The following NHSL2 variants were observed in gnomAD, a reference collection of about 807,000 sequenced individuals.
NHSL2 encodes NHS-like protein 2.
NHSL2 carries 27 observed loss-of-function variants against 53.4 expected under a neutral mutation model. The ratio of observed to expected loss-of-function variants is 0.51; its 90% CI spans 0.37 to 0.70. The LOEUF (loss-of-function observed/expected upper bound fraction) is 0.70. Among genes scored for constraint, NHSL2 ranks in the 30% least tolerant of loss-of-function variants. NHSL2 has a pLI of 0.00. For synonymous variants in NHSL2, 408 were observed against 404.1 expected, an observed-to-expected ratio of 1.01 and a Z score of -0.12; for missense variants, 892 against 980.1, an observed-to-expected ratio of 0.91 and a Z score of 1.20.
At chrX:71,984,676 C>T (rs991569167) in intron 1 of NHSL2, among the ~76,000 whole-genome samples, 1 of 112,305 alleles carries the variant, frequency 8.9e-6, no homozygotes, top group Admixed American at 9.4e-5. Flanking sequence ...TTTTCTCTCT[C>T]CAGTCTCCCA....
At chrX:71,957,162 A>C in intron 1 of NHSL2, among the ~76,000 whole-genome samples, 1 of 112,194 alleles carries the variant, frequency 8.9e-6, no homozygotes, top group African/African-American at 3.2e-5. Flanking sequence ...CAGGATAGAA[A>C]TCTTGGGATT....
At chrX:72,049,325 T>C (rs2042326716) in intron 1 of NHSL2, among the ~76,000 whole-genome samples, 2 of 111,555 alleles carry the variant, frequency 1.8e-5, no homozygotes, top group Admixed American at 9.4e-5. Flanking sequence ...CGGTGTGTGG[T>C]TCTGCAGGTT....
intron 1 of NHSL2, among the ~76,000 whole-genome samples, chrX:72,028,169 A>G (rs73561894): frequency 0.033 from 3,668 of 112,583 alleles, 142 homozygotes; most frequent in African/African-American, 0.11. Context: ...CTGCATGTGC[A>G]GTGGGCCAGG....
At chrX:72,095,893 A>C (rs2041939871) in intron 1 of NHSL2, among the ~76,000 whole-genome samples, 1 of 111,370 alleles carries the variant, frequency 9.0e-6, no homozygotes, top group Admixed American at 9.5e-5. Flanking sequence ...CCTTTAAAGC[A>C]CTGTACAAAT....
rs749116054 is a variant in NHSL2 at position 72,149,592 on chromosome X, G to A, written c.*6018G>A. ...TTCCTTCCCCCATGTGTATCATGGC[G>A]AAGAAATATCAATATATGTATGTGC... On this transcript the variant is annotated 3_prime_UTR_variant, in exon 8 of 8. Transcript: ENST00000633930. 8 of 112,209 alleles carry A rather than the reference G, an allele frequency of 7.1e-5. No homozygotes were observed. The highest frequency in any genetic ancestry group is 9.7e-5 in the African/African-American group (3 of 30,929). The allele number at this position is 112,209 out of a possible 1,213,427, so 9.2% of individuals were successfully genotyped here.
chrX:71,963,981 A>ATATGTGTATATATATGTATG (rs1206609389), intron 1 of NHSL2, among the ~76,000 whole-genome samples: 2 of 64,404 alleles, frequency 3.1e-5, no homozygotes, highest in African/African-American at 1.5e-4. Flanking sequence ...ATACATATAT[A>ATATGTGTATATATATGTATG]TATATATATA....
intron 1 of NHSL2, among the ~76,000 whole-genome samples, chrX:71,921,434 AAGAG>A (rs959413571): frequency 1.0e-4 from 11 of 109,810 alleles, no homozygotes; most frequent in East Asian, 2.9e-4. Context: ...AAAAAAAAAA[AAGAG>A]AGAGAGAGAA....
intron 1 of NHSL2, among the ~76,000 whole-genome samples, chrX:72,078,574 G>A (rs975436011): frequency 9.0e-6 from 1 of 111,686 alleles, no homozygotes; most frequent in Non-Finnish European, 1.9e-5. Flanking sequence ...GACTTCCTGA[G>A]AGGTGTCTCC....
At position 72,132,287 on chromosome X, in the gene NHSL2, G is replaced by T. The variant is rs752263181; in HGVS notation, c.436+53G>T. On this transcript the variant is annotated intron_variant, in intron 2 of 7. Coordinates refer to ENST00000633930, the MANE Select transcript of NHSL2 (RefSeq NM_001013627.3). ...GGAGCCCAGAAGCGAGATGCGCAGC[G>T]GCAGGAGGGAGGCAAAGAAGAAAGA... 116 of 1,054,138 alleles carry T rather than the reference G, an allele frequency of 1.1e-4. No individual in the cohort carries two copies. The African/African-American group carries it at 1.6e-3, about 14-fold the overall frequency. 86.9% of individuals were successfully genotyped at this position (1,054,138 alleles called of 1,213,427 possible). A position where few individuals can be genotyped will look rare whatever the true frequency, so the allele number is the denominator to read the frequency against.
chrX:72,044,430 G>C, intron 1 of NHSL2: 1 of 444,175 alleles, frequency 2.3e-6, no homozygotes, highest in East Asian at 3.7e-5. Flanking sequence ...GCATCAACCA[G>C]TATCCTTGTC....
chrX:72,107,668 A>T (rs1293522765), intron 1 of NHSL2, among the ~76,000 whole-genome samples: 1 of 111,873 alleles, frequency 8.9e-6, no homozygotes, highest in Non-Finnish European at 1.9e-5. Flanking sequence ...GTGTTGGAGG[A>T]AGGAACAACC....
At chrX:72,000,621 G>A (rs957157197) in intron 1 of NHSL2, among the ~76,000 whole-genome samples, 8 of 111,765 alleles carry the variant, frequency 7.2e-5, no homozygotes, top group Admixed American at 3.8e-4. Context: ...CTTTTCCAGC[G>A]TGTAGTGGCT....
Position 72,134,125 on chromosome X carries a change from T to A in NHSL2, c.471T>A (p.Leu157=). The change falls in exon 3 of 8, where the codon CTT becomes CTA. Residue 157 remains leucine, a synonymous_variant. Transcript: ENST00000633930. ...AGGAACAGTACTCGGAGGCCAGACT[T>A]GTGGGGCAGACCTTCCGCTCTTCTG... ...EYEEQYSEAR[L]VGQTFRSSDE... 8.6e-7 allele frequency: 1 copy of A among 1,166,728 alleles called. No homozygotes were observed. Among genetic ancestry groups the A allele is most frequent in the Non-Finnish European group, 1.1e-6 (1 of 871,737 alleles).
At chrX:71,995,678 A>G (rs1255716936) in intron 1 of NHSL2, among the ~76,000 whole-genome samples, 3 of 112,169 alleles carry the variant, frequency 2.7e-5, no homozygotes, top group Non-Finnish European at 5.6e-5. Flanking sequence ...ATTATAGAAT[A>G]ACACCCCCAG....
At chrX:72,069,059 CA>C (rs1306220124) in intron 1 of NHSL2, among the ~76,000 whole-genome samples, 1 of 112,700 alleles carries the variant, frequency 8.9e-6, no homozygotes, top group African/African-American at 3.2e-5. Flanking sequence ...GGAGCTGTGT[CA>C]CTTAGAATTC....
At chrX:71,953,704 T>C (rs2041830558) in intron 1 of NHSL2, among the ~76,000 whole-genome samples, 1 of 111,799 alleles carries the variant, frequency 8.9e-6, no homozygotes, top group African/African-American at 3.3e-5. Context: ...AAGGAAAGCC[T>C]AGAATATAAT....
chrX:72,060,051 C>CT (rs1432853530), intron 1 of NHSL2, among the ~76,000 whole-genome samples: 1 of 111,795 alleles, frequency 8.9e-6, no homozygotes, highest in Non-Finnish European at 1.9e-5. Context: ...TTATGTCTGT[C>CT]TTTCACACAA....
chrX:72,095,633 C>G (rs2041938005), intron 1 of NHSL2, among the ~76,000 whole-genome samples: 1 of 111,934 alleles, frequency 8.9e-6, no homozygotes, highest in Non-Finnish European at 1.9e-5. Flanking sequence ...AGTAAAGTAG[C>G]CCCTTATACA....
intron 1 of NHSL2, among the ~76,000 whole-genome samples, chrX:71,966,545 T>C (rs2041901889): frequency 8.9e-6 from 1 of 112,280 alleles, no homozygotes; most frequent in Non-Finnish European, 1.9e-5. Context: ...CATCTATAGA[T>C]ACAATCGCTA....
Sources: allele counts gnomAD v4.1 joint callset (sites outside exome capture counted in the v4.1 genomes callset), GRCh38; gene constraint gnomAD v4.1.1; transcripts MANE v1.5; gene names NCBI Gene and HGNC (gene_info 2026-07-23, HGNC 2026-07-21).